PAM: variants seen among roughly 807,000 people sequenced by gnomAD.
PAM encodes peptidyl-glycine alpha-amidating monooxygenase.
PAM carries 72 observed loss-of-function variants against 122.1 expected under a neutral mutation model. The observed-to-expected ratio is 0.59, with a 90% confidence interval of 0.49 to 0.72. The LOEUF (loss-of-function observed/expected upper bound fraction) is 0.72. PAM is among the 30% of genes least tolerant of loss of function. PAM has a pLI of 0.00. For synonymous variants in PAM, 389 were observed against 404.4 expected, an observed-to-expected ratio of 0.96 and a Z score of 0.46; for missense variants, 1,106 against 1,183.7, an observed-to-expected ratio of 0.93 and a Z score of 0.96.
chr5:103,017,317 G>C lies in PAM; in HGVS notation c.2332-17G>C. 6.6e-7 allele frequency: 1 copy of C among 1,513,586 alleles called. No homozygotes were observed. Among genetic ancestry groups the C allele is most frequent in the Non-Finnish European group, 9.2e-7 (1 of 1,089,062 alleles). 93.8% of individuals were successfully genotyped at this position (1,513,586 alleles called of 1,614,324 possible). A position where few individuals can be genotyped will look rare whatever the true frequency, so the allele number is the denominator to read the frequency against. Reference sequence around the variant, plus strand: ...TAAAGGCTCACCACTCTAATGTGTAGCTTCTTATTTTGGCAGCACTTTGAT... The same window carrying C: ...TAAAGGCTCACCACTCTAATGTGTACCTTCTTATTTTGGCAGCACTTTGAT... On this transcript the variant is annotated splice_polypyrimidine_tract_variant and intron_variant, in intron 21 of 25. Transcript: ENST00000438793.
intron 1 of PAM, among the ~76,000 whole-genome samples, chr5:102,779,999 T>C (rs1017941090): frequency 3.3e-5 from 5 of 150,242 alleles, no homozygotes; most frequent in African/African-American, 1.2e-4. Context: ...TGGTCAACTA[T>C]GGTCCAAAAA....
At chr5:102,967,461 TGAC>T (rs758208194) in intron 14 of PAM, among the ~76,000 whole-genome samples, 7 of 152,182 alleles carry the variant, frequency 4.6e-5, no homozygotes, top group Non-Finnish European at 7.4e-5. Context: ...ATGCAAGGGC[TGAC>T]ATTTTTAACA....
At chr5:103,003,751 AT>A (rs1778111896) in intron 17 of PAM, among the ~76,000 whole-genome samples, 1 of 152,156 alleles carries the variant, frequency 6.6e-6, no homozygotes, top group African/African-American at 2.4e-5. Context: ...AGATCTAATG[AT>A]CCAAAAAAAT....
chr5:102,815,103 G>A (rs1769339453), intron 1 of PAM, among the ~76,000 whole-genome samples: 1 of 152,040 alleles, frequency 6.6e-6, no homozygotes, highest in South Asian at 2.1e-4. Flanking sequence ...CCCACTGAAT[G>A]TAAAACACTA....
At chr5:102,970,738 G>A (rs1276407690) in intron 14 of PAM, among the ~76,000 whole-genome samples, 1 of 152,116 alleles carries the variant, frequency 6.6e-6, no homozygotes, top group Non-Finnish European at 1.5e-5. Flanking sequence ...AGCTGTAGTA[G>A]CCACAGTGAC....
At chr5:102,897,333 G>T (rs1796496988) in intron 3 of PAM, among the ~76,000 whole-genome samples, 1 of 151,538 alleles carries the variant, frequency 6.6e-6, no homozygotes, top group Admixed American at 6.6e-5. Context: ...CTACTCTGAG[G>T]TACAAAGTCA....
At chr5:102,978,939 T>A (rs1238436511) in intron 15 of PAM, among the ~76,000 whole-genome samples, 1 of 151,800 alleles carries the variant, frequency 6.6e-6, no homozygotes, top group Non-Finnish European at 1.5e-5. Flanking sequence ...TTAAGTCACG[T>A]ATCCGAAATT....
chr5:102,758,728 T>C (rs777525838), intron 1 of PAM, among the ~76,000 whole-genome samples: 5 of 152,216 alleles, frequency 3.3e-5, no homozygotes, highest in Non-Finnish European at 7.3e-5. Context: ...GAAAGGACTG[T>C]TGTCAGCATT....
intron 1 of PAM, among the ~76,000 whole-genome samples, chr5:102,791,430 C>T (rs913658304): frequency 1.3e-5 from 2 of 152,008 alleles, no homozygotes; most frequent in African/African-American, 4.8e-5. Flanking sequence ...GGATTGATAA[C>T]ATGAACATTT....
chr5:103,021,385 G>C (rs1423835963), intron 23 of PAM, among the ~76,000 whole-genome samples: 3 of 152,148 alleles, frequency 2.0e-5, no homozygotes, highest in Non-Finnish European at 4.4e-5. Context: ...ACTCATTTCT[G>C]TTTAAATAGA....
At chr5:102,795,683 G>A (rs747782396) in intron 1 of PAM, among the ~76,000 whole-genome samples, 4 of 152,202 alleles carry the variant, frequency 2.6e-5, no homozygotes, top group African/African-American at 7.2e-5. Context: ...CTGCTGCCGT[G>A]TGGTTGGTGT....
chr5:102,983,902 CA>C (rs1322369931), intron 15 of PAM, among the ~76,000 whole-genome samples: 5 of 152,090 alleles, frequency 3.3e-5, no homozygotes, highest in South Asian at 2.1e-4. Context: ...GTGTTAAAAG[CA>C]AAAAACAATT....
chr5:102,765,228 A>G (rs1413894605), intron 1 of PAM, among the ~76,000 whole-genome samples: 1 of 152,180 alleles, frequency 6.6e-6, no homozygotes, highest in African/African-American at 2.4e-5. Context: ...CCTAGAAAAG[A>G]TTTGGCACCA....
chr5:102,891,539 G>A (rs112856402), intron 3 of PAM, among the ~76,000 whole-genome samples: 7 of 151,850 alleles, frequency 4.6e-5, no homozygotes, highest in African/African-American at 1.7e-4. Context: ...TTAAATATAT[G>A]ACTCCATCAC....
At chr5:102,827,275 T>C (rs1213731706) in intron 1 of PAM, among the ~76,000 whole-genome samples, 1 of 152,262 alleles carries the variant, frequency 6.6e-6, no homozygotes, top group East Asian at 1.9e-4. Context: ...GATTTTCAGA[T>C]TAGTGATGGC....
intron 1 of PAM, among the ~76,000 whole-genome samples, chr5:102,814,029 T>C (rs1454761956): frequency 6.6e-6 from 1 of 152,112 alleles, no homozygotes; most frequent in African/African-American, 2.4e-5. Flanking sequence ...GAGTCTGTGG[T>C]AGGGGCAGGA....
chr5:102,928,243 T>C (rs1464641721), intron 7 of PAM, among the ~76,000 whole-genome samples: 1 of 152,350 alleles, frequency 6.6e-6, no homozygotes, highest in South Asian at 2.1e-4. Flanking sequence ...CCCTAACAGA[T>C]ACTGCATTGA....
chr5:102,814,616 T>C (rs1769117353), intron 1 of PAM, among the ~76,000 whole-genome samples: 1 of 149,794 alleles, frequency 6.7e-6, no homozygotes, highest in Non-Finnish European at 1.5e-5. Flanking sequence ...TATATTGATA[T>C]GTATATAGAG....
intron 3 of PAM, among the ~76,000 whole-genome samples, chr5:102,896,831 A>G (rs1427497273): frequency 6.6e-6 from 1 of 151,656 alleles, no homozygotes; most frequent in Non-Finnish European, 1.5e-5. Context: ...CTGGCTTCAG[A>G]GAGATGGATT....
Sources: allele counts gnomAD v4.1 joint callset (sites outside exome capture counted in the v4.1 genomes callset), GRCh38; gene constraint gnomAD v4.1.1; transcripts MANE v1.5; gene names NCBI Gene and HGNC (gene_info 2026-07-23, HGNC 2026-07-21).